SFXN1: variants seen among roughly 807,000 people sequenced by gnomAD.
The protein encoded by SFXN1 is sideroflexin-1.
A neutral mutation model predicts 39.5 loss-of-function variants in SFXN1; 32 were observed. The ratio of observed to expected loss-of-function variants is 0.81; its 90% CI spans 0.61 to 1.09. The LOEUF is 1.09. Ranked by LOEUF, SFXN1 falls within the 50% of genes least tolerant of loss-of-function variation. The probability of loss-of-function intolerance (pLI) is 0.00; values close to 1 mark genes in which losing one functional copy is unlikely to be tolerated. For synonymous variants in SFXN1, 136 were observed against 146.5 expected, an observed-to-expected ratio of 0.93 and a Z score of 0.52; for missense variants, 402 against 407.1, an observed-to-expected ratio of 0.99 and a Z score of 0.11.
intron 4 of SFXN1, 81 bp from the exon 5 acceptor site, chr5:175,511,370 C>G (rs979387398): frequency 9.5e-7 from 1 of 1,048,052 alleles, no homozygotes; most frequent in African/African-American, 1.6e-5. Context: ...TTATATTTCC[C>G]TTTTATTTCT....
chr5:175,515,696 A>G (rs76317079), intron 7 of SFXN1, among the ~76,000 whole-genome samples: 1 of 152,272 alleles, frequency 6.6e-6, no homozygotes, highest in East Asian at 1.9e-4. Context: ...AGCGGTCCCA[A>G]ACCTTTTTAG....
chr5:175,499,878 G>A (rs561422412), intron 2 of SFXN1, among the ~76,000 whole-genome samples: 3 of 152,252 alleles, frequency 2.0e-5, no homozygotes, highest in African/African-American at 4.8e-5. Context: ...CACAGAAAAC[G>A]TGATCATCTA....
chr5:175,499,335 A>G (rs1434926807), intron 2 of SFXN1, among the ~76,000 whole-genome samples: 1 of 152,134 alleles, frequency 6.6e-6, no homozygotes, highest in Admixed American at 6.6e-5. Flanking sequence ...TATTCATTTC[A>G]TGAAGCTACA....
chr5:175,482,857 A>G (rs934553904), intron 1 of SFXN1, among the ~76,000 whole-genome samples: 1 of 152,226 alleles, frequency 6.6e-6, no homozygotes, highest in Admixed American at 6.5e-5. Flanking sequence ...ATAGGTTATC[A>G]GGGTAGATGC....
At chr5:175,523,283 C>G (rs1446889997) in intron 10 of SFXN1, 2 of 152,226 alleles carry the variant, frequency 1.3e-5, no homozygotes, top group Non-Finnish European at 1.5e-5. Context: ...CACCTTGGAG[C>G]CTACTGAAGA....
chr5:175,498,111 T>C (rs568650047), intron 2 of SFXN1, among the ~76,000 whole-genome samples: 1 of 151,448 alleles, frequency 6.6e-6, no homozygotes, highest in South Asian at 2.1e-4. Context: ...TAATTATTAA[T>C]CTTATTAATG....
Position 175,526,823 on chromosome 5 carries a change from TC to T in SFXN1, c.*92del. ...GAAAAATCCTGTTCAACCTGGGTTC[TC>T]CCAGTTACGGAAACCTTTTAAAGAT... On this transcript the variant is annotated 3_prime_UTR_variant, in exon 11 of 11. Coordinates refer to ENST00000321442, the MANE Select transcript of SFXN1 (RefSeq NM_022754.7). 1.9e-6 allele frequency: 2 copies of T among 1,078,146 alleles called. No homozygotes were observed. The highest frequency in any genetic ancestry group is 1.3e-5 in the South Asian group (1 of 75,716). 66.8% of individuals were successfully genotyped at this position (1,078,146 alleles called of 1,614,324 possible). A position where few individuals can be genotyped will look rare whatever the true frequency, so the allele number is the denominator to read the frequency against.
chr5:175,515,695 A>G (rs1760691734), intron 7 of SFXN1, among the ~76,000 whole-genome samples: 1 of 152,212 alleles, frequency 6.6e-6, no homozygotes, highest in Admixed American at 6.5e-5. Flanking sequence ...CAGCGGTCCC[A>G]AACCTTTTTA....
intron 2 of SFXN1, among the ~76,000 whole-genome samples, chr5:175,504,895 AT>A (rs1234294716): frequency 6.6e-6 from 1 of 151,712 alleles, no homozygotes; most frequent in Non-Finnish European, 1.5e-5. Flanking sequence ...CGCCCAGCTG[AT>A]TTTTTGTATT....
chr5:175,488,095 G>A (rs933661528), intron 1 of SFXN1, among the ~76,000 whole-genome samples: 6 of 151,974 alleles, frequency 3.9e-5, no homozygotes, highest in East Asian at 1.9e-4. Context: ...TTGTGCGTCC[G>A]TTCATTTCGG....
intron 1 of SFXN1, among the ~76,000 whole-genome samples, chr5:175,479,689 GTATT>G (rs1211614120): frequency 6.6e-6 from 1 of 152,166 alleles, no homozygotes; most frequent in African/African-American, 2.4e-5. Flanking sequence ...CCCTCAATGA[GTATT>G]TGTTGACTGC....
rs1314476609 is a variant in SFXN1, at chr5:175,528,399, A to T, written c.*1665A>T. On this transcript the variant is annotated 3_prime_UTR_variant, in exon 11 of 11. Coordinates refer to ENST00000321442, the MANE Select transcript of SFXN1 (RefSeq NM_022754.7). ...TTATATGCAAATACTGTGCCATTTT[A>T]TATCAGGAACTTGAGCATCTGCAGA... The T allele has an allele frequency of 6.6e-6, 1 of 152,194 alleles. No individual in the cohort carries two copies. The highest frequency in any genetic ancestry group is 1.5e-5 in the Non-Finnish European group (1 of 68,068). The allele number at this position is 152,194 out of a possible 1,614,324, so 9.4% of individuals were successfully genotyped here.
intron 2 of SFXN1, among the ~76,000 whole-genome samples, chr5:175,499,269 AG>A (rs1725190428): frequency 6.7e-6 from 1 of 148,412 alleles, no homozygotes; most frequent in African/African-American, 2.5e-5. Context: ...AAAAAAAAAA[AG>A]GGATATCAAA....
intron 9 of SFXN1, 98 bp downstream of exon 9, chr5:175,522,066 A>C (rs1760899403): frequency 9.9e-7 from 1 of 1,007,808 alleles, no homozygotes; most frequent in African/African-American, 1.6e-5. Flanking sequence ...AATTTTGAAA[A>C]TGAGGCCATC....
chr5:175,517,393 G>A (rs965402495), intron 8 of SFXN1, among the ~76,000 whole-genome samples: 3 of 151,742 alleles, frequency 2.0e-5, no homozygotes, highest in East Asian at 2.0e-4. Flanking sequence ...CCTGCCCCAC[G>A]CCCCACATGG....
intron 4 of SFXN1, among the ~76,000 whole-genome samples, chr5:175,511,155 C>T (rs1760495388): frequency 6.6e-6 from 1 of 152,234 alleles, no homozygotes; most frequent in South Asian, 2.1e-4. Context: ...CCCTCCTTCT[C>T]ACGAATACAA....
chr5:175,487,114 A>G (rs1388132549), intron 1 of SFXN1, among the ~76,000 whole-genome samples: 1 of 152,128 alleles, frequency 6.6e-6, no homozygotes, highest in Non-Finnish European at 1.5e-5. Context: ...CAGGGAAGGA[A>G]ATGGCTCACG....
chr5:175,525,325 T>C (rs1448279083), intron 10 of SFXN1, among the ~76,000 whole-genome samples: 2 of 152,198 alleles, frequency 1.3e-5, no homozygotes, highest in Admixed American at 6.5e-5. Flanking sequence ...TGTACAATTA[T>C]AATACTGGAC....
At chr5:175,500,964 T>A (rs1760053682) in intron 2 of SFXN1, among the ~76,000 whole-genome samples, 2 of 152,182 alleles carry the variant, frequency 1.3e-5, no homozygotes, top group Non-Finnish European at 2.9e-5. Context: ...TAAACAAAAT[T>A]TAGCTTGAAA....
Sources: gnomAD v4.1 joint callset for allele counts (sites outside exome capture counted in the v4.1 genomes callset) on GRCh38, gnomAD v4.1.1 for gene constraint, MANE v1.5 for transcripts, NCBI Gene and HGNC (gene_info 2026-07-23, HGNC 2026-07-21) for gene names.